PRKX: variants seen among roughly 807,000 people sequenced by gnomAD.
PRKX encodes protein kinase cAMP-dependent X-linked catalytic subunit, also known as cAMP-dependent protein kinase catalytic subunit PRKX.
A neutral mutation model predicts 22.0 loss-of-function variants in PRKX; 12 were observed. The ratio of observed to expected loss-of-function variants is 0.54; its 90% CI spans 0.35 to 0.88. The LOEUF is 0.88. Ranked by LOEUF, PRKX falls within the 40% of genes least tolerant of loss-of-function variation. The pLI is 0.01. For missense variants in PRKX, 217 were observed against 308.0 expected (o/e 0.70, Z 2.21); for synonymous variants, 134 against 137.7 (o/e 0.97, Z 0.19).
intron 5 of PRKX, among the ~76,000 whole-genome samples, chrX:3,625,376 G>A (rs767566658): frequency 1.1e-3 from 121 of 111,107 alleles, no homozygotes; most frequent in African/African-American, 3.7e-3. Context: ...AACTTCCACC[G>A]GCTCATAAGA....
intron 1 of PRKX, among the ~76,000 whole-genome samples, chrX:3,696,709 T>C (rs1380369292): frequency 8.9e-6 from 1 of 112,531 alleles, no homozygotes; most frequent in African/African-American, 3.2e-5. Context: ...ATTAGGGATC[T>C]TCTTTATAAG....
intron 3 of PRKX, among the ~76,000 whole-genome samples, chrX:3,647,643 T>G (rs1927216958): frequency 9.3e-6 from 1 of 107,744 alleles, no homozygotes; most frequent in African/African-American, 3.3e-5. Context: ...TGTGTAAATA[T>G]TACAATTATA....
intron 1 of PRKX, among the ~76,000 whole-genome samples, chrX:3,687,930 A>T (rs79217726): frequency 0.14 from 15,452 of 111,395 alleles, 937 homozygotes; most frequent in East Asian, 0.38. Flanking sequence ...AAAAAGGTAA[A>T]ACCCCATCCT....
intron 4 of PRKX, among the ~76,000 whole-genome samples, chrX:3,636,237 G>C (rs960789515): frequency 8.9e-6 from 1 of 112,141 alleles, no homozygotes. Context: ...TCCAGCAAAT[G>C]GAGCTGCGAT....
At chrX:3,712,546 C>T (rs1928813667) in intron 1 of PRKX, among the ~76,000 whole-genome samples, 1 of 112,520 alleles carries the variant, frequency 8.9e-6, no homozygotes, top group South Asian at 3.7e-4. Context: ...GGATCCGTCC[C>T]CAGCGCTGCC....
intron 4 of PRKX, among the ~76,000 whole-genome samples, chrX:3,637,657 G>T (rs1357359940): frequency 8.9e-6 from 1 of 111,997 alleles, no homozygotes; most frequent in African/African-American, 3.2e-5. Context: ...ATAAAAATAG[G>T]CTTACTGTGA....
At chrX:3,700,735 C>T (rs1453947727) in intron 1 of PRKX, among the ~76,000 whole-genome samples, 3 of 90,355 alleles carry the variant, frequency 3.3e-5, no homozygotes, top group African/African-American at 4.6e-5. Context: ...CGTGCCACCA[C>T]GCCCAGCTAA....
In PRKX at chrX:3,636,819, C is replaced by G. The variant is rs548500191; in HGVS notation, c.719+5033G>C. Among the ~76,000 whole-genome samples the G allele has an allele frequency of 2.1e-4, 23 of 111,101 alleles. No homozygotes were observed. In the South Asian group the frequency reaches 8.0e-3, roughly 39 times the overall value. ...AGGTTGCAGTGAACCAAGATTTGCG[C>G]CACTGCAGTCCAGCCTGGGTGACAG... On this transcript the variant is annotated intron_variant, in intron 4 of 8. Coordinates refer to ENST00000262848, the MANE Select transcript of PRKX (RefSeq NM_005044.5).
At position 3,708,589 on chromosome X, in the gene PRKX, G is replaced by A. The variant is rs1329144339; in HGVS notation, c.166+4499C>T. Among the ~76,000 whole-genome samples the A allele has an allele frequency of 3.6e-5, 4 of 110,539 alleles. No individual in the cohort carries two copies. The East Asian group carries it at 1.1e-3, about 31-fold the overall frequency. ...AAAAAAAAAAAAAGTGTCTGGCCAG[G>A]CACGGTGGCTCACACCTGCAATCCC... On this transcript the variant is annotated intron_variant, in intron 1 of 8. Coordinates refer to ENST00000262848, the MANE Select transcript of PRKX (RefSeq NM_005044.5).
Position 3,674,684 on chromosome X carries a change from G to C in PRKX, c.249C>G (p.Pro83=), listed in dbSNP as rs10871864. The C allele has an allele frequency of 8.3e-7, 1 of 1,210,698 alleles. No homozygotes were observed. Among genetic ancestry groups the C allele is most frequent in the South Asian group, 1.8e-5 (1 of 56,993 alleles). ...GCTCCTGCTTTAGGCGGATGACGTC[G>C]GGAATGCTCATCACCTTGAGGGCGA... is the stretch of plus-strand genomic sequence containing the variant. ...HFFALKVMSI[P]DVIRLKQEQH... is the part of the protein sequence containing the mutation. Residue 83 remains proline, a synonymous_variant, in exon 2 of 9, where the codon CCC becomes CCG. Transcript: ENST00000262848.
chrX:3,662,370 G>T (rs1316361757), intron 2 of PRKX, among the ~76,000 whole-genome samples: 1 of 110,995 alleles, frequency 9.0e-6, no homozygotes, highest in Non-Finnish European at 1.9e-5. Context: ...AACCAGCCTA[G>T]GCAACAAAGC....
intron 2 of PRKX, among the ~76,000 whole-genome samples, chrX:3,662,109 T>C: frequency 9.0e-6 from 1 of 111,700 alleles, no homozygotes; most frequent in Non-Finnish European, 1.9e-5. Context: ...GTGACTGTCA[T>C]GAGCTTTGCA....
chrX:3,623,284 G>T lies in PRKX; in HGVS notation c.816-1968C>A, dbSNP rs754854067. On this transcript the variant is annotated intron_variant, in intron 5 of 8. Coordinates refer to ENST00000262848, the MANE Select transcript of PRKX (RefSeq NM_005044.5). ...AAATGAAGATTTATTTAAAATACAG[G>T]GGACAGTGGCTTGTAATCCCAGCTA... Among the ~76,000 whole-genome samples, 19 of 110,285 alleles carry T rather than the reference G, an allele frequency of 1.7e-4. 1 individual carries two copies. In the South Asian group the frequency reaches 6.6e-3, roughly 38 times the overall value.
intron 3 of PRKX, among the ~76,000 whole-genome samples, chrX:3,651,532 G>A (rs1278960375): frequency 2.7e-5 from 3 of 111,877 alleles, no homozygotes; most frequent in African/African-American, 9.8e-5. Flanking sequence ...TAATTTCCAT[G>A]TGCCTTATTT....
chrX:3,656,678 G>T (rs187721301), intron 2 of PRKX, among the ~76,000 whole-genome samples: 76 of 111,537 alleles, frequency 6.8e-4, no homozygotes, highest in Non-Finnish European at 3.0e-4. Context: ...ATGCTAAGAC[G>T]TGTGTAGATG....
chrX:3,654,305 CTA>C (rs1400884442), intron 3 of PRKX, among the ~76,000 whole-genome samples: 9 of 96,651 alleles, frequency 9.3e-5, no homozygotes, highest in Non-Finnish European at 1.2e-4. Context: ...ATAAAATATA[CTA>C]TATGTTATAT....
At chrX:3,703,459 C>A (rs757136040) in intron 1 of PRKX, among the ~76,000 whole-genome samples, 5 of 110,643 alleles carry the variant, frequency 4.5e-5, no homozygotes, top group African/African-American at 1.6e-4. Context: ...TGTGTGGTCT[C>A]CTTAGACCAC....
intron 4 of PRKX, among the ~76,000 whole-genome samples, chrX:3,639,691 C>T (rs1167336672): frequency 9.0e-6 from 1 of 110,535 alleles, no homozygotes; most frequent in Non-Finnish European, 1.9e-5. Context: ...CAGGTTTTTA[C>T]GGGTTCCACT....
At chrX:3,638,267 G>A (rs1367268317) in intron 4 of PRKX, among the ~76,000 whole-genome samples, 1 of 84,946 alleles carries the variant, frequency 1.2e-5, no homozygotes, top group Admixed American at 1.6e-4. Flanking sequence ...TAACTTCAGC[G>A]TACCCTGAGA....
Sources: allele counts gnomAD v4.1 joint callset (sites outside exome capture counted in the v4.1 genomes callset), GRCh38; gene constraint gnomAD v4.1.1; transcripts MANE v1.5; gene names NCBI Gene and HGNC (gene_info 2026-07-23, HGNC 2026-07-21).